The following EPC2 variants were observed in gnomAD, a reference collection of about 807,000 sequenced individuals.
EPC2 encodes the protein enhancer of polycomb 2.
Under a neutral mutation model 92.1 loss-of-function variants are expected in EPC2, and 14 were observed. The ratio of observed to expected loss-of-function variants is 0.15; its 90% CI spans 0.10 to 0.24. The LOEUF (loss-of-function observed/expected upper bound fraction) is 0.24, where lower values mean the gene tolerates loss of function less well. EPC2 is among the 10% of genes least tolerant of loss of function. The pLI is 1.00. For missense variants in EPC2, 755 were observed against 971.5 expected (o/e 0.78, Z 2.96); for synonymous variants, 340 against 334.7 (o/e 1.02, Z -0.17).
At chr2:148,756,367 A>G (rs988707696) in intron 4 of EPC2, among the ~76,000 whole-genome samples, 1 of 152,216 alleles carries the variant, frequency 6.6e-6, no homozygotes, top group Non-Finnish European at 1.5e-5. Flanking sequence ...AACGAGAAAA[A>G]TGGGAAAGCA....
intron 2 of EPC2, among the ~76,000 whole-genome samples, chr2:148,740,627 C>T (rs1225407565): frequency 6.6e-6 from 1 of 152,038 alleles, no homozygotes. Context: ...GAAGATAGAG[C>T]AGATAGGAGG....
At chr2:148,774,148 C>T (rs953635905) in intron 10 of EPC2, among the ~76,000 whole-genome samples, 6 of 151,998 alleles carry the variant, frequency 3.9e-5, no homozygotes, top group Non-Finnish European at 5.9e-5. Flanking sequence ...GCAAATGAAG[C>T]GTTTAATGAG....
intron 8 of EPC2, 29 bp downstream of exon 8, chr2:148,769,269 T>A (rs778358161): frequency 9.9e-6 from 15 of 1,516,950 alleles, no homozygotes; most frequent in Non-Finnish European, 1.4e-5. Flanking sequence ...GTGTGGTGTT[T>A]TTGTGAACTG....
chr2:148,660,755 A>G (rs1260636045), intron 1 of EPC2, among the ~76,000 whole-genome samples: 2 of 151,982 alleles, frequency 1.3e-5, no homozygotes, highest in African/African-American at 4.8e-5. Flanking sequence ...TCTAAACATC[A>G]TTTAAAAAAA....
chr2:148,660,573 G>GT (rs946123889), intron 1 of EPC2, among the ~76,000 whole-genome samples: 3,225 of 143,410 alleles, frequency 0.022, 95 homozygotes, highest in African/African-American at 0.072. Context: ...ATCAGTCAGA[G>GT]TTTTTTTTTT....
At chr2:148,689,772 T>A (rs1015314816) in intron 1 of EPC2, among the ~76,000 whole-genome samples, 1 of 152,206 alleles carries the variant, frequency 6.6e-6, no homozygotes, top group Non-Finnish European at 1.5e-5. Flanking sequence ...AATTTTATCT[T>A]TCTTTGAAAT....
chr2:148,730,308 C>T (rs1375290785), intron 2 of EPC2, among the ~76,000 whole-genome samples: 2 of 152,150 alleles, frequency 1.3e-5, no homozygotes, highest in Non-Finnish European at 2.9e-5. Flanking sequence ...GCTTGGGTTG[C>T]TTCTGAACTT....
intron 2 of EPC2, among the ~76,000 whole-genome samples, chr2:148,723,249 T>G (rs1046861094): frequency 3.9e-5 from 6 of 152,218 alleles, no homozygotes; most frequent in Non-Finnish European, 7.3e-5. Flanking sequence ...AAAAACAGAA[T>G]GCTCTGGCAC....
rs768530772 is a variant in EPC2 at position 148,645,070 on chromosome 2, C to T, written c.53C>T (p.Pro18Leu). The T allele has an allele frequency of 1.9e-6, 3 of 1,582,902 alleles. No individual in the cohort carries two copies. The highest frequency in any genetic ancestry group is 2.6e-6 in the Non-Finnish European group (3 of 1,163,214). Reference sequence around the variant, plus strand: ...GCGCTGGACGCCGCCAAGCCGCTGCCTATCTACCGCGGCAAGGACATGCCT... The same window carrying T: ...GCGCTGGACGCCGCCAAGCCGCTGCTTATCTACCGCGGCAAGGACATGCCT... ...ARALDAAKPLPIYRGKDMPDL... is the reference protein window; with the variant it reads ...ARALDAAKPLLIYRGKDMPDL... Residue 18 changes from proline (P) to leucine (L), a missense_variant, in exon 1 of 14, where the codon CCT becomes CTT. Coordinates refer to ENST00000258484, the MANE Select transcript of EPC2 (RefSeq NM_015630.4).
chr2:148,771,278 C>T lies in EPC2; in HGVS notation c.1611C>T (p.Asp537=). 6.2e-7 allele frequency: 1 copy of T among 1,613,906 alleles called. No individual in the cohort carries two copies. The highest frequency in any genetic ancestry group is 8.5e-7 in the Non-Finnish European group (1 of 1,179,850). The change falls in exon 10 of 14, where the codon GAC becomes GAT. Residue 537 remains aspartate (D), a synonymous_variant. Transcript: ENST00000258484. The part of the protein sequence containing the change: ...CFQPRLLNLQ[D]SDSEECTSRK... ...AGCCAAGGCTACTAAATTTACAGGA[C>T]AGTGATAGTGAAGAATGTACCTCAA...
At chr2:148,745,200 A>G (rs1488564915) in intron 3 of EPC2, among the ~76,000 whole-genome samples, 4 of 152,040 alleles carry the variant, frequency 2.6e-5, no homozygotes, top group Non-Finnish European at 1.5e-5. Context: ...AATCGCAGGC[A>G]TCAGGTAAAG....
At chr2:148,703,563 G>C (rs919567865) in intron 2 of EPC2, among the ~76,000 whole-genome samples, 1 of 152,062 alleles carries the variant, frequency 6.6e-6, no homozygotes, top group Non-Finnish European at 1.5e-5. Context: ...GGGTCTCACT[G>C]TGTTGCTCAG....
chr2:148,659,423 A>T (rs970201014), intron 1 of EPC2, among the ~76,000 whole-genome samples: 1 of 152,138 alleles, frequency 6.6e-6, no homozygotes, highest in African/African-American at 2.4e-5. Context: ...AAAGGTTTAA[A>T]TTTTCTGAGA....
intron 1 of EPC2, among the ~76,000 whole-genome samples, chr2:148,647,751 G>C (rs578242315): frequency 1.3e-5 from 2 of 149,196 alleles, no homozygotes; most frequent in African/African-American, 2.5e-5. Context: ...TCCTGCCTCA[G>C]CCTCTCAAGT....
At chr2:148,665,549 T>G (rs1284316602) in intron 1 of EPC2, among the ~76,000 whole-genome samples, 1 of 152,234 alleles carries the variant, frequency 6.6e-6, no homozygotes, top group African/African-American at 2.4e-5. Context: ...TAAACATTTG[T>G]TGCATTATCA....
intron 3 of EPC2, among the ~76,000 whole-genome samples, chr2:148,745,869 A>G (rs1682976446): frequency 6.6e-6 from 1 of 152,136 alleles, no homozygotes; most frequent in Admixed American, 6.6e-5. Flanking sequence ...AGACTTAGGC[A>G]AACCTGCCTC....
At position 148,673,591 on chromosome 2, in the gene EPC2, A is replaced by G. The variant is rs190578687; in HGVS notation, c.154-16623A>G. Reference sequence around the variant, plus strand: ...TATACATTAATCATTTTTCTTATTTATTTATTTATTGAGACAGAGTCTCAC... The same window carrying G: ...TATACATTAATCATTTTTCTTATTTGTTTATTTATTGAGACAGAGTCTCAC... On this transcript the variant is annotated intron_variant, in intron 1 of 13. Coordinates refer to ENST00000258484, the MANE Select transcript of EPC2 (RefSeq NM_015630.4). Among the ~76,000 whole-genome samples the G allele has an allele frequency of 1.5e-4, 23 of 151,916 alleles. No homozygotes were observed. In the East Asian group the frequency reaches 4.4e-3, roughly 29 times the overall value.
chr2:148,671,286 G>GTTTT lies in EPC2; in HGVS notation c.154-18928_154-18927insTTTT, dbSNP rs369058386. ...ATGCTAAATCTCTATTGTGGATTGT[G>GTTTT]ATTTTTTTTTTTTTTTTTTTTGTAG... On this transcript the variant is annotated intron_variant, in intron 1 of 13. Transcript: ENST00000258484. Among the ~76,000 whole-genome samples the GTTTT allele has an allele frequency of 3.4e-3, 443 of 130,428 alleles. 5 individuals are homozygous for GTTTT. The highest frequency in any genetic ancestry group is 9.7e-3 in the African/African-American group (319 of 32,858). 85.6% of individuals were successfully genotyped at this position (130,428 alleles called of 152,430 possible).
chr2:148,759,067 C>G (rs1937701493), intron 4 of EPC2, among the ~76,000 whole-genome samples: 1 of 152,032 alleles, frequency 6.6e-6, no homozygotes, highest in South Asian at 2.1e-4. Flanking sequence ...GAGTCAGATC[C>G]TAGACCAGGA....
Sources: gnomAD v4.1 joint callset for allele counts (sites outside exome capture counted in the v4.1 genomes callset) on GRCh38, gnomAD v4.1.1 for gene constraint, MANE v1.5 for transcripts, NCBI Gene and HGNC (gene_info 2026-07-23, HGNC 2026-07-21) for gene names.